Variants in CNTNAP5 observed in about 807,000 individuals in gnomAD.
The protein encoded by CNTNAP5 is contactin associated protein family member 5.
A neutral mutation model predicts 150.2 loss-of-function variants in CNTNAP5; 72 were observed. The ratio of observed to expected loss-of-function variants is 0.48; its 90% CI spans 0.40 to 0.58. The LOEUF is 0.58. CNTNAP5 is among the 20% of genes least tolerant of loss of function. The probability of loss-of-function intolerance (pLI) is 0.00; values close to 1 mark genes in which losing one functional copy is unlikely to be tolerated. For missense variants in CNTNAP5, 1,636 were observed against 1,626.2 expected (o/e 1.01, Z -0.10); for synonymous variants, 672 against 619.8 (o/e 1.08, Z -1.25).
At chr2:124,579,474 C>T (rs887711396) in intron 11 of CNTNAP5, among the ~76,000 whole-genome samples, 1 of 152,182 alleles carries the variant, frequency 6.6e-6, no homozygotes, top group African/African-American at 2.4e-5. Context: ...AGGAGATTAA[C>T]GTAGAGACTG....
chr2:124,390,933 G>A (rs1243424799), intron 3 of CNTNAP5, among the ~76,000 whole-genome samples: 1 of 152,162 alleles, frequency 6.6e-6, no homozygotes, highest in Non-Finnish European at 1.5e-5. Flanking sequence ...TTTCTGTAAG[G>A]GAGATAAAAA....
intron 5 of CNTNAP5, among the ~76,000 whole-genome samples, chr2:124,443,439 G>A (rs2104802997): frequency 6.6e-6 from 1 of 152,014 alleles, no homozygotes; most frequent in South Asian, 2.1e-4. Context: ...TACCATCAGT[G>A]TAAAAAATTA....
chr2:124,482,967 C>T (rs866250685), intron 7 of CNTNAP5, among the ~76,000 whole-genome samples: 1 of 152,330 alleles, frequency 6.6e-6, no homozygotes, highest in Non-Finnish European at 1.5e-5. Context: ...CAGTTTGTCA[C>T]TGGTGTGGCC....
intron 21 of CNTNAP5, among the ~76,000 whole-genome samples, chr2:124,885,205 T>A (rs1678052938): frequency 1.3e-5 from 2 of 152,086 alleles, no homozygotes; most frequent in South Asian, 4.1e-4. Context: ...CTTTGGGAAG[T>A]CTTAAAAGCC....
At chr2:124,071,007 T>G (rs1029388173) in intron 1 of CNTNAP5, among the ~76,000 whole-genome samples, 1 of 151,886 alleles carries the variant, frequency 6.6e-6, no homozygotes, top group Non-Finnish European at 1.5e-5. Context: ...TATTTTCTGA[T>G]GGACTAAAAG....
At chr2:124,769,360 A>C (rs532083039) in intron 16 of CNTNAP5, among the ~76,000 whole-genome samples, 30 of 152,108 alleles carry the variant, frequency 2.0e-4, no homozygotes, top group African/African-American at 7.0e-4. Context: ...CAGAATTCTC[A>C]GTGCCTAGCA....
chr2:124,849,334 G>A (rs1683109507), intron 19 of CNTNAP5, among the ~76,000 whole-genome samples: 1 of 152,002 alleles, frequency 6.6e-6, no homozygotes, highest in Non-Finnish European at 1.5e-5. Context: ...TTTAGTCTAT[G>A]TGTCTGTTTT....
At chr2:124,814,896 AAG>A (rs1290160905) in intron 19 of CNTNAP5, among the ~76,000 whole-genome samples, 2 of 152,176 alleles carry the variant, frequency 1.3e-5, no homozygotes, top group Non-Finnish European at 2.9e-5. Flanking sequence ...CATTAAAACA[AAG>A]AGAGGGGAAA....
At chr2:124,341,939 A>G (rs1689628695) in intron 3 of CNTNAP5, among the ~76,000 whole-genome samples, 1 of 152,170 alleles carries the variant, frequency 6.6e-6, no homozygotes, top group Non-Finnish European at 1.5e-5. Flanking sequence ...TCAAGTCAGA[A>G]AATTGGGAGA....
chr2:124,037,169 C>T (rs1366327418), intron 1 of CNTNAP5, among the ~76,000 whole-genome samples: 1 of 152,174 alleles, frequency 6.6e-6, no homozygotes, highest in Non-Finnish European at 1.5e-5. Context: ...TTGTATTGCT[C>T]ACTAAAGCTT....
At chr2:124,461,060 C>T (rs1693235924) in intron 6 of CNTNAP5, among the ~76,000 whole-genome samples, 2 of 152,212 alleles carry the variant, frequency 1.3e-5, no homozygotes, top group South Asian at 2.1e-4. Context: ...GAAATAGGAA[C>T]ACTTTTACAC....
At chr2:124,638,901 A>G (rs1678028955) in intron 12 of CNTNAP5, among the ~76,000 whole-genome samples, 1 of 152,176 alleles carries the variant, frequency 6.6e-6, no homozygotes, top group African/African-American at 2.4e-5. Flanking sequence ...TCAGTTAACA[A>G]TGCTTTATTC....
At chr2:124,113,971 C>A (rs758066027) in intron 1 of CNTNAP5, among the ~76,000 whole-genome samples, 84 of 151,906 alleles carry the variant, frequency 5.5e-4, no homozygotes, top group Non-Finnish European at 7.7e-4. Context: ...TTATATCCCC[C>A]TGATCTATTT....
chr2:124,622,665 T>C (rs1337853629), intron 12 of CNTNAP5, among the ~76,000 whole-genome samples: 2 of 151,950 alleles, frequency 1.3e-5, no homozygotes, highest in East Asian at 3.9e-4. Context: ...GCCATCCTGA[T>C]TGGTGTGACA....
At chr2:124,177,014 T>G (rs1685082609) in intron 1 of CNTNAP5, among the ~76,000 whole-genome samples, 1 of 151,416 alleles carries the variant, frequency 6.6e-6, no homozygotes, top group African/African-American at 2.4e-5. Context: ...CCTGGCTAAT[T>G]TTTTTTTATT....
intron 13 of CNTNAP5, among the ~76,000 whole-genome samples, chr2:124,724,018 G>A (rs947547525): frequency 3.9e-5 from 6 of 151,916 alleles, no homozygotes; most frequent in African/African-American, 1.5e-4. Context: ...GATGGCACGT[G>A]CCTGTAATCC....
intron 19 of CNTNAP5, 64 bp from the exon 20 acceptor site, chr2:124,865,242 G>T (rs1209382469): frequency 1.5e-6 from 2 of 1,325,334 alleles, no homozygotes; most frequent in East Asian, 2.5e-5. Context: ...AAGATAATCT[G>T]ATCATGTCTT....
intron 7 of CNTNAP5, among the ~76,000 whole-genome samples, chr2:124,490,402 AAAGG>A (rs907205761): frequency 3.4e-5 from 5 of 147,814 alleles, no homozygotes; most frequent in Non-Finnish European, 6.0e-5. Flanking sequence ...AGGGAGGGAG[AAAGG>A]AAGGAAGGAA....
At position 124,563,225 on chromosome 2, in the gene CNTNAP5, C is replaced by A. The variant is rs984713596; in HGVS notation, c.1658C>A (p.Pro553Gln). The change falls in exon 11 of 24, where the codon CCA (proline) becomes CAA (glutamine). Residue 553 changes from proline to glutamine, a missense_variant. Coordinates refer to ENST00000682447, the MANE Select transcript of CNTNAP5 (RefSeq NM_001367498.1). ...ATGTTTTCTTCCATTAGGTGTTTGC[C>A]AAACTACTGTGAACATGGAGGAAGC... ...DLCSIKDRCL[P>Q]NYCEHGGSCS... 9 of 1,586,606 alleles carry A rather than the reference C, an allele frequency of 5.7e-6. No homozygotes were observed. The highest frequency in any genetic ancestry group is 3.6e-5 in the Admixed American group (2 of 56,176).
Sources: gnomAD v4.1 joint callset for allele counts (sites outside exome capture counted in the v4.1 genomes callset) on GRCh38, gnomAD v4.1.1 for gene constraint, MANE v1.5 for transcripts, NCBI Gene and HGNC (gene_info 2026-07-23, HGNC 2026-07-21) for gene names.